The following CCDC141 variants were observed in gnomAD, a reference collection of about 807,000 sequenced individuals.
CCDC141 encodes coiled-coil domain-containing protein 141.
In CCDC141, 168 loss-of-function variants were observed where a neutral mutation model predicts 181.0. The ratio of observed to expected loss-of-function variants is 0.93; its 90% CI spans 0.82 to 1.05. The LOEUF is 1.05. CCDC141 is among the 50% of genes least tolerant of loss of function. The pLI is 0.00. For synonymous variants in CCDC141, 666 were observed against 642.3 expected (o/e 1.04, Z -0.56); for missense variants, 1,902 against 1,788.5 (o/e 1.06, Z -1.14).
intron 2 of CCDC141, among the ~76,000 whole-genome samples, chr2:178,991,542 G>A (rs1243194657): frequency 6.6e-6 from 1 of 152,136 alleles, no homozygotes; most frequent in African/African-American, 2.4e-5. Flanking sequence ...AGGAGGGTAA[G>A]AAGGAAGAAG....
intron 2 of CCDC141, among the ~76,000 whole-genome samples, chr2:179,024,429 C>T (rs1019855152): frequency 5.3e-5 from 8 of 152,202 alleles, no homozygotes; most frequent in African/African-American, 1.9e-4. Context: ...ATTCCACAAA[C>T]ATTTGTTGTA....
At chr2:178,938,345 C>T (rs1689372185) in intron 6 of CCDC141, among the ~76,000 whole-genome samples, 1 of 152,080 alleles carries the variant, frequency 6.6e-6, no homozygotes, top group South Asian at 2.1e-4. Flanking sequence ...TTTAATTTCA[C>T]TAATTACCCA....
At chr2:178,934,319 C>T (rs1689206249) in intron 6 of CCDC141, among the ~76,000 whole-genome samples, 2 of 152,154 alleles carry the variant, frequency 1.3e-5, no homozygotes, top group Admixed American at 1.3e-4. Flanking sequence ...AAATAATTAG[C>T]AAGTATTTGT....
Position 178,837,066 on chromosome 2 carries a change from G to T in CCDC141, c.4153C>A (p.Gln1385Lys). ...TTAATCTCTTCTCGAGGAACCATTT[G>T]CCTCTGATAGCCCCTGCTGGTGCCT... ...QSGTSRGYQR[Q>K]MVPREEIKST... Residue 1385 changes from glutamine (Q) to lysine (K), a missense_variant, in exon 23 of 24, where the codon CAA (glutamine) becomes AAA (lysine). By Grantham distance (53) the Gln-to-Lys change is moderately conservative (BLOSUM62 1). Transcript: ENST00000443758. The T allele has an allele frequency of 1.9e-6, 3 of 1,614,000 alleles. No individual in the cohort carries two copies. Among genetic ancestry groups the T allele is most frequent in the Middle Eastern group, 1.7e-4 (1 of 6,048 alleles).
At chr2:178,916,543 T>C (rs1366004102) in intron 7 of CCDC141, among the ~76,000 whole-genome samples, 1 of 151,948 alleles carries the variant, frequency 6.6e-6, no homozygotes, top group African/African-American at 2.4e-5. Flanking sequence ...GTTATTTTAC[T>C]TAATAACATA....
chr2:178,824,617 C>CAAAAAAA, the CCDC141 span, among the ~76,000 whole-genome samples: 3 of 52,292 alleles, frequency 5.7e-5, no homozygotes, highest in African/African-American at 8.9e-5. Context: ...GAGACTTCGT[C>CAAAAAAA]AAAAAAAAAA....
intron 6 of CCDC141, among the ~76,000 whole-genome samples, chr2:178,922,286 G>A (rs982650054): frequency 6.6e-6 from 1 of 152,132 alleles, no homozygotes; most frequent in Non-Finnish European, 1.5e-5. Context: ...TACAGATGGA[G>A]TAACTGGGGC....
rs1345769423 is a variant in CCDC141 at position 179,015,483 on chromosome 2, A to G, written c.225+31801T>C. ...TATATATCTCATATATGTGCCATAT[A>G]TATCATATATGTGCCATATATATCA... On this transcript the variant is annotated intron_variant, in intron 2 of 23. Coordinates refer to ENST00000443758, the MANE Select transcript of CCDC141 (RefSeq NM_173648.4). Among the ~76,000 whole-genome samples, 55 of 100,334 alleles carry G rather than the reference A, an allele frequency of 5.5e-4. 2 individuals carry two copies. The East Asian group carries it at 0.018, about 33-fold the overall frequency. 65.8% of individuals were successfully genotyped at this position (100,334 alleles called of 152,430 possible).
At position 178,837,669 on chromosome 2, in the gene CCDC141, A is replaced by T; in HGVS notation, c.3550T>A (p.Ser1184Thr). The T allele has an allele frequency of 1.2e-6, 2 of 1,614,008 alleles. No homozygotes were observed. Among genetic ancestry groups the T allele is most frequent in the Non-Finnish European group, 1.7e-6 (2 of 1,179,926 alleles). Reference sequence around the variant, plus strand: ...TGGACGCCACCCTCCTTGTCAGTGGACACCTTCAGGTCTTGTGGTAGTCGC... The same window carrying T: ...TGGACGCCACCCTCCTTGTCAGTGGTCACCTTCAGGTCTTGTGGTAGTCGC... ...EERLPQDLKV[S>T]TDKEGGVQDL... The change falls in exon 23 of 24, where the codon TCC becomes ACC. Residue 1184 changes from serine to threonine, a missense_variant. Transcript: ENST00000443758.
intron 2 of CCDC141, among the ~76,000 whole-genome samples, chr2:179,014,443 C>A (rs751521429): frequency 6.6e-6 from 1 of 152,096 alleles, no homozygotes; most frequent in Non-Finnish European, 1.5e-5. Flanking sequence ...AACTTAAGAG[C>A]TTTTGCACGG....
At chr2:178,978,024 A>G (rs888992111) in intron 3 of CCDC141, among the ~76,000 whole-genome samples, 3 of 152,228 alleles carry the variant, frequency 2.0e-5, no homozygotes, top group African/African-American at 4.8e-5. Flanking sequence ...TGCTATATTT[A>G]TGAATCAAAT....
At chr2:179,031,839 G>A (rs182815348) in intron 2 of CCDC141, among the ~76,000 whole-genome samples, 32 of 152,160 alleles carry the variant, frequency 2.1e-4, no homozygotes, top group African/African-American at 7.7e-4. Context: ...ATAGCCTTGG[G>A]TGGTTTGGGT....
chr2:178,843,543 TA>T (rs1256804955), intron 22 of CCDC141, among the ~76,000 whole-genome samples: 1 of 152,202 alleles, frequency 6.6e-6, no homozygotes, highest in African/African-American at 2.4e-5. Context: ...GTGAATTGCC[TA>T]ATTCCACCTG....
chr2:178,984,241 T>A (rs7558731), intron 2 of CCDC141, among the ~76,000 whole-genome samples: 114,889 of 129,404 alleles, frequency 0.89, 50,751 homozygotes, highest in Middle Eastern at 0.94. Context: ...GGAGAAATAA[T>A]ATACTTTACA....
intron 2 of CCDC141, among the ~76,000 whole-genome samples, chr2:179,022,878 T>C (rs978318706): frequency 6.6e-6 from 1 of 152,062 alleles, no homozygotes; most frequent in African/African-American, 2.4e-5. Context: ...ACGTGGTTCC[T>C]GCAAATCCTA....
chr2:178,926,203 G>A (rs1302723137), intron 6 of CCDC141, among the ~76,000 whole-genome samples: 2 of 151,930 alleles, frequency 1.3e-5, no homozygotes, highest in South Asian at 2.1e-4. Context: ...CACGGACAAG[G>A]AAATGACACT....
intron 17 of CCDC141, among the ~76,000 whole-genome samples, chr2:178,865,466 G>A (rs1685803948): frequency 6.6e-6 from 1 of 151,934 alleles, no homozygotes; most frequent in Non-Finnish European, 1.5e-5. Flanking sequence ...GGGAGAAGGG[G>A]GAAGCAAAAA....
At position 178,842,843 on chromosome 2, in the gene CCDC141, G is replaced by A. The variant is rs149364101; in HGVS notation, c.3474+2783C>T. ...TGTGGTATTTTGGGGCACTTTAGGT[G>A]GACAAGGTAAAAGAAAAGGGAACAG... On this transcript the variant is annotated intron_variant, in intron 22 of 23. Transcript: ENST00000443758. 2.6e-5 allele frequency among the ~76,000 whole-genome samples: 4 copies of A among 152,292 alleles called. No homozygotes were observed. In the East Asian group the frequency reaches 7.7e-4, roughly 29 times the overall value.
chr2:178,969,757 A>G (rs1242612285), intron 4 of CCDC141, among the ~76,000 whole-genome samples: 2 of 152,186 alleles, frequency 1.3e-5, no homozygotes, highest in African/African-American at 2.4e-5. Context: ...TCAACATAGT[A>G]TTGGAAGTTC....
Sources: allele counts gnomAD v4.1 joint callset (sites outside exome capture counted in the v4.1 genomes callset), GRCh38; gene constraint gnomAD v4.1.1; transcripts MANE v1.5; gene names NCBI Gene and HGNC (gene_info 2026-07-23, HGNC 2026-07-21).